The following EIF4G3 variants were observed in gnomAD, a reference collection of about 807,000 sequenced individuals.
The protein encoded by EIF4G3 is eukaryotic translation initiation factor 4 gamma 3.
A neutral mutation model predicts 186.4 loss-of-function variants in EIF4G3; 34 were observed. That is an observed-to-expected ratio of 0.18 (90% confidence interval 0.14 to 0.24). The LOEUF is 0.24. Among genes scored for constraint, EIF4G3 ranks in the 10% least tolerant of loss-of-function variants. EIF4G3 has a pLI of 1.00. For synonymous variants in EIF4G3, 673 were observed against 679.5 expected (o/e 0.99, Z 0.15); for missense variants, 1,536 against 1,948.5 (o/e 0.79, Z 3.99).
intron 14 of EIF4G3, among the ~76,000 whole-genome samples, chr1:20,922,448 C>T (rs2094551029): frequency 6.6e-6 from 1 of 152,148 alleles, no homozygotes; most frequent in Non-Finnish European, 1.5e-5. Context: ...CAGGCATGCA[C>T]CACCACGCCC....
chr1:21,118,507 C>T (rs952182797), intron 2 of EIF4G3, among the ~76,000 whole-genome samples: 1 of 152,062 alleles, frequency 6.6e-6, no homozygotes, highest in Non-Finnish European at 1.5e-5. Flanking sequence ...AAATGTTGGG[C>T]CCGGCGCAGT....
chr1:20,903,055 G>C (rs1187826855), intron 15 of EIF4G3, among the ~76,000 whole-genome samples: 1 of 152,256 alleles, frequency 6.6e-6, no homozygotes, highest in Admixed American at 6.5e-5. Context: ...TGGCCCGAGG[G>C]CCAATTCTGG....
rs749875234 is a variant in EIF4G3 at position 20,853,685 on chromosome 1, T to G, written c.3434-8A>C. On this transcript the variant is annotated splice_region_variant and splice_polypyrimidine_tract_variant and intron_variant, in intron 26 of 36. Transcript: ENST00000602326. ...CACTTGACCGTAAGGCATCTACACATGTCGAGGATTTAGAAAAAAATACAA... is the reference window on the plus strand; with the variant it reads ...CACTTGACCGTAAGGCATCTACACAGGTCGAGGATTTAGAAAAAAATACAA... 1.4e-5 allele frequency: 23 copies of G among 1,596,974 alleles called. No individual in the cohort carries two copies. Among genetic ancestry groups the G allele is most frequent in the Middle Eastern group, 3.3e-4 (2 of 6,032 alleles).
chr1:20,838,072 A>C (rs1463699884), intron 30 of EIF4G3, among the ~76,000 whole-genome samples: 1 of 152,214 alleles, frequency 6.6e-6, no homozygotes, highest in Middle Eastern at 3.2e-3. Flanking sequence ...AATAAAAGGT[A>C]GTAGTGTGGT....
chr1:20,936,093 G>A (rs572360493), intron 14 of EIF4G3, among the ~76,000 whole-genome samples: 1 of 152,312 alleles, frequency 6.6e-6, no homozygotes, highest in East Asian at 1.9e-4. Flanking sequence ...GAAGAACTAC[G>A]TAAGGGACTT....
intron 4 of EIF4G3, among the ~76,000 whole-genome samples, chr1:21,041,298 G>A (rs1373024109): frequency 1.3e-5 from 2 of 151,976 alleles, no homozygotes; most frequent in East Asian, 3.9e-4. Flanking sequence ...ATGTTGCCCA[G>A]GCTCATCTCG....
At chr1:20,825,838 C>CT (rs2063473795) in intron 32 of EIF4G3, among the ~76,000 whole-genome samples, 1 of 152,130 alleles carries the variant, frequency 6.6e-6, no homozygotes, top group Non-Finnish European at 1.5e-5. Flanking sequence ...GTTTCAAGGG[C>CT]AAGAAGCACA....
chr1:21,062,076 T>G (rs897071758), intron 3 of EIF4G3, among the ~76,000 whole-genome samples: 2 of 151,864 alleles, frequency 1.3e-5, no homozygotes, highest in African/African-American at 4.8e-5. Context: ...TGTTTGTTTC[T>G]GAGGCAGGGT....
chr1:20,968,280 A>G (rs1445019520), intron 12 of EIF4G3, among the ~76,000 whole-genome samples: 2 of 151,984 alleles, frequency 1.3e-5, no homozygotes, highest in Non-Finnish European at 2.9e-5. Context: ...CCTGGGTTCA[A>G]ACGATTCTCC....
intron 2 of EIF4G3, among the ~76,000 whole-genome samples, chr1:21,143,749 T>C (rs867034071): frequency 2.6e-5 from 4 of 152,132 alleles, no homozygotes. Flanking sequence ...CAAAACCCCA[T>C]CTCTACTAAA....
At chr1:20,983,083 T>C (rs2078656420) in intron 7 of EIF4G3, among the ~76,000 whole-genome samples, 1 of 152,188 alleles carries the variant, frequency 6.6e-6, no homozygotes, top group Non-Finnish European at 1.5e-5. Context: ...CTCTTAGGCA[T>C]CAAACCACCC....
At chr1:21,168,409 T>A (rs1171516381) in intron 2 of EIF4G3, among the ~76,000 whole-genome samples, 4 of 148,962 alleles carry the variant, frequency 2.7e-5, no homozygotes, top group Non-Finnish European at 4.4e-5. Flanking sequence ...GTCTCAATTT[T>A]TTAAAAAAAA....
chr1:21,003,712 T>G (rs992491716), intron 4 of EIF4G3: 3 of 401,948 alleles, frequency 7.5e-6, no homozygotes, highest in Non-Finnish European at 1.4e-5. Context: ...TATCTCAGGC[T>G]GATCACTCCA....
downstream of EIF4G3, chr1:20,806,363 C>T (rs144569614): frequency 5.1e-3 from 773 of 152,766 alleles, 4 homozygotes; most frequent in South Asian, 0.012. Context: ...CACTCTCTCT[C>T]GTTTTATCTC....
chr1:20,889,647 C>T (rs1202290421), intron 18 of EIF4G3, among the ~76,000 whole-genome samples: 2 of 152,114 alleles, frequency 1.3e-5, no homozygotes, highest in African/African-American at 2.4e-5. Context: ...CCCGCCACCA[C>T]ACCCGGCTAA....
In EIF4G3 at chr1:20,865,221, A is replaced by G. The variant is rs1284508193; in HGVS notation, c.2664T>C (p.Asn888=). 6.2e-7 allele frequency: 1 copy of G among 1,614,156 alleles called. No individual in the cohort carries two copies. The highest frequency in any genetic ancestry group is 1.7e-5 in the Admixed American group (1 of 60,024). The change falls in exon 21 of 37, where the codon AAT becomes AAC. Residue 888 remains asparagine, a synonymous_variant. Transcript: ENST00000602326. The part of the protein sequence containing the change: ...PMADKPGNTV[N]FRKLLLNRCQ... ...AACGGTTCAGTAGCAGCTTCCGGAA[A>G]TTCACTGTGTTACCAGGCTTGTCTG...
rs149200521 is a variant in EIF4G3, at chr1:20,899,718, C to A, written c.1978G>T (p.Val660Phe). ...SGSTDSSGDG[V>F]TFPFKPESWK... ...TTACCTGGTTTAAATGGAAATGTAA[C>A]CCCATCACCAGAACTATCTGTGGAG... is the stretch of plus-strand genomic sequence containing the variant. The change falls in exon 16 of 37, where the codon GTT (valine) becomes TTT (phenylalanine). Residue 660 changes from valine to phenylalanine, a missense_variant. Transcript: ENST00000602326. 3.1e-4 allele frequency: 502 copies of A among 1,614,120 alleles called. 1 individual carries two copies. The highest frequency in any genetic ancestry group is 4.1e-4 in the Non-Finnish European group (479 of 1,180,004).
chr1:20,907,541 C>G (rs967370650), intron 14 of EIF4G3, among the ~76,000 whole-genome samples: 4 of 149,870 alleles, frequency 2.7e-5, no homozygotes, highest in African/African-American at 7.4e-5. Context: ...TCCCTCCCCC[C>G]TCCCCCAACC....
chr1:21,052,103 A>C (rs188546767), intron 3 of EIF4G3, among the ~76,000 whole-genome samples: 83 of 152,344 alleles, frequency 5.4e-4, no homozygotes, highest in Middle Eastern at 6.8e-3. Flanking sequence ...CAATAATCAC[A>C]AATTTATACA....
Sources: allele counts gnomAD v4.1 joint callset (sites outside exome capture counted in the v4.1 genomes callset), GRCh38; gene constraint gnomAD v4.1.1; transcripts MANE v1.5; gene names NCBI Gene and HGNC (gene_info 2026-07-23, HGNC 2026-07-21).